The following DOK5 variants were observed in gnomAD, a reference collection of about 807,000 sequenced individuals.
The protein encoded by DOK5 is docking protein 5.
DOK5 carries 27 observed loss-of-function variants against 43.3 expected under a neutral mutation model. That is an observed-to-expected ratio of 0.62 (90% CI 0.46 to 0.86). The LOEUF (loss-of-function observed/expected upper bound fraction) is 0.86, where lower values mean the gene tolerates loss of function less well. DOK5 is among the 40% of genes least tolerant of loss of function. DOK5 has a pLI of 0.00. For synonymous variants in DOK5, 146 were observed against 140.1 expected (o/e 1.04, Z -0.30); for missense variants, 373 against 392.9 (o/e 0.95, Z 0.43).
intron 6 of DOK5, among the ~76,000 whole-genome samples, chr20:54,634,080 A>G (rs1978697501): frequency 6.6e-6 from 1 of 152,250 alleles, no homozygotes. Context: ...CCAAATGAGG[A>G]ACTGGGAAAC....
chr20:54,557,170 C>T (rs77578432), intron 2 of DOK5, among the ~76,000 whole-genome samples: 7,643 of 152,192 alleles, frequency 0.05, 230 homozygotes, highest in East Asian at 0.13. Flanking sequence ...TCACGATATT[C>T]TTTGCTGCAA....
intron 1 of DOK5, among the ~76,000 whole-genome samples, chr20:54,482,524 C>T (rs1981760846): frequency 6.6e-6 from 1 of 152,140 alleles, no homozygotes; most frequent in Admixed American, 6.5e-5. Flanking sequence ...GAGATGGAGT[C>T]TCGCTCTGCT....
At chr20:54,638,752 CTTTT>C (rs11476340) in intron 6 of DOK5, among the ~76,000 whole-genome samples, 1 of 98,528 alleles carries the variant, frequency 1.0e-5, no homozygotes, top group Admixed American at 1.0e-4. Flanking sequence ...CTTTTCTTTT[CTTTT>C]TTTTTTTTTT....
At chr20:54,593,669 G>C (rs1206130236) in intron 5 of DOK5, among the ~76,000 whole-genome samples, 1 of 152,066 alleles carries the variant, frequency 6.6e-6, no homozygotes, top group African/African-American at 2.4e-5. Context: ...TCTCCAAAAT[G>C]TTTCTGTTAT....
chr20:54,553,510 T>C (rs563800309), intron 1 of DOK5, among the ~76,000 whole-genome samples: 1 of 151,938 alleles, frequency 6.6e-6, no homozygotes, highest in East Asian at 2.0e-4. Context: ...TCTATTCTTT[T>C]TAGGTTATTT....
At chr20:54,485,866 G>T (rs1600653450) in intron 1 of DOK5, among the ~76,000 whole-genome samples, 1 of 152,152 alleles carries the variant, frequency 6.6e-6, no homozygotes, top group African/African-American at 2.4e-5. Context: ...ATGTGTCGTG[G>T]TATCTTATTG....
intron 7 of DOK5, among the ~76,000 whole-genome samples, chr20:54,647,840 G>A (rs1979510416): frequency 6.6e-6 from 1 of 152,138 alleles, no homozygotes; most frequent in Non-Finnish European, 1.5e-5. Flanking sequence ...CCAAAGCTCT[G>A]CACATCTATT....
intron 1 of DOK5, among the ~76,000 whole-genome samples, chr20:54,549,099 C>G (rs6098069): frequency 6.6e-6 from 1 of 152,142 alleles, no homozygotes; most frequent in Non-Finnish European, 1.5e-5. Flanking sequence ...AAGTCTTTGT[C>G]GGCAGCCCCA....
chr20:54,569,060 G>A (rs1985198798), intron 2 of DOK5, among the ~76,000 whole-genome samples: 1 of 148,926 alleles, frequency 6.7e-6, no homozygotes, highest in African/African-American at 2.5e-5. Context: ...ATAGTTTAAT[G>A]TGCATTTTTC....
At chr20:54,506,946 G>T (rs1205650492) in intron 1 of DOK5, among the ~76,000 whole-genome samples, 1 of 152,182 alleles carries the variant, frequency 6.6e-6, no homozygotes, top group Admixed American at 6.5e-5. Context: ...TTTCTTTGAA[G>T]TTAGCCATTT....
chr20:54,598,070 G>A (rs150109016), intron 5 of DOK5, among the ~76,000 whole-genome samples: 10 of 152,254 alleles, frequency 6.6e-5, no homozygotes, highest in Middle Eastern at 3.4e-3. Flanking sequence ...AGTTTGGAGT[G>A]TAGGCACATA....
intron 6 of DOK5, among the ~76,000 whole-genome samples, chr20:54,623,247 C>G (rs1392278630): frequency 6.6e-6 from 1 of 152,124 alleles, no homozygotes; most frequent in Non-Finnish European, 1.5e-5. Context: ...CCATACAATG[C>G]TTAGGACAGC....
chr20:54,544,836 A>G (rs574740451), intron 1 of DOK5, among the ~76,000 whole-genome samples: 14 of 152,166 alleles, frequency 9.2e-5, no homozygotes, highest in Non-Finnish European at 2.1e-4. Context: ...AAGCCTGAGA[A>G]GACAACTCAA....
chr20:54,639,363 A>G (rs1337043580), intron 6 of DOK5, among the ~76,000 whole-genome samples: 1 of 152,220 alleles, frequency 6.6e-6, no homozygotes. Context: ...AGTGTTTTCT[A>G]CATTTTTTAT....
At chr20:54,637,946 C>A (rs536273654) in intron 6 of DOK5, among the ~76,000 whole-genome samples, 1 of 152,204 alleles carries the variant, frequency 6.6e-6, no homozygotes, top group African/African-American at 2.4e-5. Context: ...CACGGTGAAA[C>A]CCCGTCTCTA....
intron 2 of DOK5, among the ~76,000 whole-genome samples, chr20:54,583,744 C>T (rs1220755746): frequency 6.6e-6 from 1 of 151,988 alleles, no homozygotes; most frequent in African/African-American, 2.4e-5. Flanking sequence ...TATCTTTTTC[C>T]ATTTTTTCAC....
intron 7 of DOK5, among the ~76,000 whole-genome samples, chr20:54,644,548 A>C (rs1286479011): frequency 9.2e-6 from 1 of 108,648 alleles, no homozygotes; most frequent in Non-Finnish European, 2.2e-5. Flanking sequence ...ACTAAAAAAC[A>C]CAAAAAAATT....
chr20:54,579,856 G>A (rs1392525843), intron 2 of DOK5, among the ~76,000 whole-genome samples: 1 of 151,856 alleles, frequency 6.6e-6, no homozygotes, highest in Non-Finnish European at 1.5e-5. Flanking sequence ...TAGTATACAC[G>A]TGGTGTGGTG....
intron 1 of DOK5, among the ~76,000 whole-genome samples, chr20:54,505,976 A>G (rs1319161106): frequency 6.6e-6 from 1 of 152,222 alleles, no homozygotes; most frequent in Admixed American, 6.5e-5. Flanking sequence ...GAAGGAAGGC[A>G]CTACTGGCTT....
Sources: gnomAD v4.1 joint callset for allele counts (sites outside exome capture counted in the v4.1 genomes callset) on GRCh38, gnomAD v4.1.1 for gene constraint, MANE v1.5 for transcripts, NCBI Gene and HGNC (gene_info 2026-07-23, HGNC 2026-07-21) for gene names.